IRAG1: variants seen among roughly 807,000 people sequenced by gnomAD.
IRAG1 encodes the protein inositol 1,4,5-triphosphate receptor associated 1, also known as IP3R-associated cGMP kinase substrate.
A neutral mutation model predicts 106.2 loss-of-function variants in IRAG1; 62 were observed. The observed-to-expected ratio is 0.58, with a 90% CI of 0.48 to 0.72. IRAG1 has a LOEUF of 0.72. IRAG1 is among the 30% of genes least tolerant of loss of function. The pLI, the probability that IRAG1 is intolerant of heterozygous loss-of-function variation, is 0.00. For synonymous variants in IRAG1, 462 were observed against 443.9 expected, an observed-to-expected ratio of 1.04 and a Z score of -0.51; for missense variants, 1,064 against 1,140.7, an observed-to-expected ratio of 0.93 and a Z score of 0.97.
Position 10,576,593 on chromosome 11 carries a change from T to C in IRAG1, c.2496-18A>G, listed in dbSNP as rs761918550. On this transcript the variant is annotated intron_variant, in intron 20 of 20. Coordinates refer to ENST00000423302, the MANE Select transcript of IRAG1 (RefSeq NM_130385.4). ...CAAGTTTGCTGTCAATGAAAAAAAATATGCAGAGGCTTTAGTATACTGGGC... is the reference window on the plus strand; with the variant it reads ...CAAGTTTGCTGTCAATGAAAAAAAACATGCAGAGGCTTTAGTATACTGGGC... 2.5e-6 allele frequency: 4 copies of C among 1,613,576 alleles called. No homozygotes were observed. The highest frequency in any genetic ancestry group is 3.4e-6 in the Non-Finnish European group (4 of 1,179,774).
Position 10,576,571 on chromosome 11 carries a change from G to C in IRAG1, c.2500C>G (p.Leu834Val). 6.2e-7 allele frequency: 1 copy of C among 1,613,966 alleles called. No homozygotes were observed. Among genetic ancestry groups the C allele is most frequent in the Non-Finnish European group, 8.5e-7 (1 of 1,179,870 alleles). Residue 834 changes from leucine to valine, a missense_variant, in exon 21 of 21, where the codon CTT becomes GTT. By Grantham distance (32) the Leu-to-Val change is conservative. Coordinates refer to ENST00000423302, the MANE Select transcript of IRAG1 (RefSeq NM_130385.4). ...EEEKGPRSSK[L>V]EELVHFLQVM... ...TGTAAGAAATGGACCAATTCTTCAA[G>C]TTTGCTGTCAATGAAAAAAAATATG... is the stretch of plus-strand genomic sequence containing the variant.
At chr11:10,645,156 TTGAC>T (rs1857842616) in intron 2 of IRAG1, among the ~76,000 whole-genome samples, 2 of 152,330 alleles carry the variant, frequency 1.3e-5, no homozygotes, top group South Asian at 2.1e-4. Flanking sequence ...TCAATAAACA[TTGAC>T]TGAGTAAATG....
At chr11:10,627,894 G>A (rs1212433445) in intron 7 of IRAG1, 79 bp downstream of exon 7, 17 of 1,573,616 alleles carry the variant, frequency 1.1e-5, no homozygotes, top group African/African-American at 2.7e-5. Flanking sequence ...AGTGGGTCAC[G>A]AAGGGCCTCC....
chr11:10,642,160 G>A (rs781135596), intron 2 of IRAG1, among the ~76,000 whole-genome samples: 2 of 152,218 alleles, frequency 1.3e-5, no homozygotes, highest in Non-Finnish European at 2.9e-5. Flanking sequence ...GCCTCCCTGG[G>A]GGTCCATTTC....
intron 8 of IRAG1, 52 bp downstream of exon 8, chr11:10,627,664 G>C: frequency 1.2e-6 from 2 of 1,604,346 alleles, no homozygotes; most frequent in Non-Finnish European, 1.7e-6. Context: ...GCTTCTAGGA[G>C]ACTGTGCCCC....
At chr11:10,677,233 C>T (rs889934741) in intron 1 of IRAG1, among the ~76,000 whole-genome samples, 1 of 152,220 alleles carries the variant, frequency 6.6e-6, no homozygotes, top group Non-Finnish European at 1.5e-5. Flanking sequence ...TCTTTCTTAC[C>T]TACCTGCCAG....
At chr11:10,598,717 A>T (rs1429498564) in intron 15 of IRAG1, among the ~76,000 whole-genome samples, 1 of 152,256 alleles carries the variant, frequency 6.6e-6, no homozygotes, top group Admixed American at 6.5e-5. Context: ...ATTTGCTTTA[A>T]GAGCCTTAAA....
Position 10,606,893 on chromosome 11 carries a change from G to A in IRAG1, c.1572-121C>T. 3.5e-6 allele frequency: 3 copies of A among 851,290 alleles called. No individual in the cohort carries two copies. The African/African-American group carries it at 5.2e-5, about 15-fold the overall frequency. 52.7% of individuals were successfully genotyped at this position (851,290 alleles called of 1,614,324 possible). ...GTGGAGTAAGCTGTGTTGGTGAGAA[G>A]GAAAAGATGCAATGTCCCCTTGCCT... On this transcript the variant is annotated intron_variant, in intron 11 of 20. Transcript: ENST00000423302.
At position 10,647,203 on chromosome 11, in the gene IRAG1, C is replaced by T. The variant is rs906153528; in HGVS notation, c.225+4822G>A. ...CCAGGGGCAGTAACAGTGCTCAGTG[C>T]GGGTATGGACTAAGCATGGGCTTTG... On this transcript the variant is annotated intron_variant, in intron 2 of 20. Coordinates refer to ENST00000423302, the MANE Select transcript of IRAG1 (RefSeq NM_130385.4). The surrounding 1 kb of genome is among the most constrained non-coding windows in gnomAD (Gnocchi z 4.3). 2.6e-5 allele frequency among the ~76,000 whole-genome samples: 4 copies of T among 152,124 alleles called. No individual in the cohort carries two copies. Among genetic ancestry groups the T allele is most frequent in the Admixed American group, 6.5e-5 (1 of 15,282 alleles).
intron 1 of IRAG1, among the ~76,000 whole-genome samples, chr11:10,691,982 G>T (rs934132016): frequency 6.6e-5 from 10 of 152,184 alleles, no homozygotes; most frequent in Non-Finnish European, 1.2e-4. Flanking sequence ...TGTATGGGAA[G>T]GGGAACAGTG....
chr11:10,652,011 G>A lies in IRAG1; in HGVS notation c.225+14C>T, dbSNP rs1224951020. On this transcript the variant is annotated intron_variant, in intron 2 of 20. Coordinates refer to ENST00000423302, the MANE Select transcript of IRAG1 (RefSeq NM_130385.4). ...CCCAGCCAGGCTAGCTGAGGGCAGG[G>A]AGGGGGCACTTACTTGGCCGGCAGG... 1 of 1,553,872 alleles carries A rather than the reference G, an allele frequency of 6.4e-7. No individual in the cohort carries two copies. The highest frequency in any genetic ancestry group is 1.9e-5 in the Admixed American group (1 of 52,548).
intron 19 of IRAG1, among the ~76,000 whole-genome samples, chr11:10,581,181 T>G (rs1397782631): frequency 6.6e-6 from 1 of 152,220 alleles, no homozygotes; most frequent in Non-Finnish European, 1.5e-5. Context: ...CTCTGTTCAC[T>G]TGTCCTATGC....
intron 2 of IRAG1, among the ~76,000 whole-genome samples, chr11:10,635,253 G>T (rs1260930637): frequency 1.3e-5 from 2 of 152,220 alleles, no homozygotes; most frequent in African/African-American, 2.4e-5. Flanking sequence ...TTAAGAGGGT[G>T]CCTGTCATTT....
chr11:10,582,593 A>T (rs1487705802), intron 18 of IRAG1, among the ~76,000 whole-genome samples: 1 of 152,242 alleles, frequency 6.6e-6, no homozygotes, highest in Admixed American at 6.5e-5. Context: ...GTGAATAGTT[A>T]GAAAAGGCCT....
intron 20 of IRAG1, 40 bp downstream of exon 20, chr11:10,580,415 A>G (rs2134082128): frequency 2.5e-6 from 4 of 1,594,926 alleles, no homozygotes; most frequent in Non-Finnish European, 3.4e-6. Flanking sequence ...TGTAACCCCC[A>G]TTTCAGCAAC....
At chr11:10,692,051 T>C (rs1862097651) in intron 1 of IRAG1, among the ~76,000 whole-genome samples, 1 of 152,202 alleles carries the variant, frequency 6.6e-6, no homozygotes, top group Non-Finnish European at 1.5e-5. Context: ...AATATATTTA[T>C]GGGGATAACC....
At chr11:10,622,574 A>T (rs1216201029) in intron 10 of IRAG1, among the ~76,000 whole-genome samples, 1 of 152,152 alleles carries the variant, frequency 6.6e-6, no homozygotes, top group Admixed American at 6.5e-5. Flanking sequence ...GCACGATCAC[A>T]GTTCACTGCA....
intron 10 of IRAG1, among the ~76,000 whole-genome samples, chr11:10,617,876 C>G (rs961399289): frequency 1.3e-5 from 2 of 152,242 alleles, no homozygotes; most frequent in Non-Finnish European, 2.9e-5. Context: ...ATTTCCCTAT[C>G]CTTTTACCTG....
At chr11:10,587,301 GCTA>G (rs1466837726) in intron 18 of IRAG1, among the ~76,000 whole-genome samples, 2 of 152,156 alleles carry the variant, frequency 1.3e-5, no homozygotes, top group African/African-American at 4.8e-5. Context: ...TTTGAAAGTG[GCTA>G]CTATCCTTTG....
Sources: allele counts gnomAD v4.1 joint callset (sites outside exome capture counted in the v4.1 genomes callset), GRCh38; gene constraint gnomAD v4.1.1; non-coding constraint Gnocchi (gnomAD v3.1); transcripts MANE v1.5; gene names NCBI Gene and HGNC (gene_info 2026-07-23, HGNC 2026-07-21).